ARHGAP26: variants seen among roughly 807,000 people sequenced by gnomAD.
The protein encoded by ARHGAP26 is Rho GTPase activating protein 26.
In ARHGAP26, 38 loss-of-function variants were observed where a neutral mutation model predicts 104.8. That is an observed-to-expected ratio of 0.36 (90% CI 0.28 to 0.48). The LOEUF is 0.48. Among genes scored for constraint, ARHGAP26 ranks in the 20% least tolerant of loss-of-function variants. The probability of loss-of-function intolerance (pLI) is 0.99; values close to 1 mark genes in which losing one functional copy is unlikely to be tolerated. For synonymous variants in ARHGAP26, 341 were observed against 340.0 expected, an observed-to-expected ratio of 1.00 and a Z score of -0.03; for missense variants, 704 against 947.9, an observed-to-expected ratio of 0.74 and a Z score of 3.38.
intron 19 of ARHGAP26, among the ~76,000 whole-genome samples, chr5:143,141,796 AC>A (rs1202994563): frequency 6.6e-6 from 1 of 152,024 alleles, no homozygotes; most frequent in Non-Finnish European, 1.5e-5. Flanking sequence ...TGATCATTCA[AC>A]CCCCTAGTCA....
intron 10 of ARHGAP26, among the ~76,000 whole-genome samples, chr5:142,927,696 T>A (rs1355975505): frequency 6.6e-6 from 1 of 152,208 alleles, no homozygotes; most frequent in African/African-American, 2.4e-5. Flanking sequence ...TATGTAGAGG[T>A]AGAATTGCTA....
intron 1 of ARHGAP26, among the ~76,000 whole-genome samples, chr5:142,790,028 T>G (rs1322426393): frequency 1.3e-5 from 2 of 152,248 alleles, no homozygotes; most frequent in Admixed American, 6.5e-5. Flanking sequence ...AGTCAACAAA[T>G]GTTTATTGTA....
intron 1 of ARHGAP26, among the ~76,000 whole-genome samples, chr5:142,872,333 C>G (rs1041424498): frequency 2.0e-5 from 3 of 152,002 alleles, no homozygotes; most frequent in Admixed American, 2.0e-4. Flanking sequence ...CACAGTACAC[C>G]CCCCCACCAC....
At chr5:142,869,409 T>G (rs1754927958) in intron 1 of ARHGAP26, among the ~76,000 whole-genome samples, 1 of 151,696 alleles carries the variant, frequency 6.6e-6, no homozygotes, top group African/African-American at 2.4e-5. Context: ...TTAGTAGAGA[T>G]GAGGTTTCAC....
At chr5:142,783,017 C>CAAAT (rs1274209970) in intron 1 of ARHGAP26, among the ~76,000 whole-genome samples, 3 of 152,198 alleles carry the variant, frequency 2.0e-5, no homozygotes, top group Non-Finnish European at 4.4e-5. Context: ...CCACTCCCTT[C>CAAAT]CATCTCACCC....
At chr5:142,817,790 G>A (rs1765427154) in intron 1 of ARHGAP26, among the ~76,000 whole-genome samples, 1 of 152,138 alleles carries the variant, frequency 6.6e-6, no homozygotes, top group Admixed American at 6.5e-5. Context: ...GGTGGAGAGT[G>A]GTTGTATCAG....
At chr5:143,202,431 G>C (rs1051069141) in intron 20 of ARHGAP26, 1 of 152,006 alleles carries the variant, frequency 6.6e-6, no homozygotes, top group East Asian at 1.9e-4. Context: ...CAAACAAATG[G>C]AAAAACATTC....
At chr5:143,012,551 A>G (rs1230182134) in intron 11 of ARHGAP26, among the ~76,000 whole-genome samples, 4 of 60,624 alleles carry the variant, frequency 6.6e-5, no homozygotes, top group Non-Finnish European at 1.3e-4. Flanking sequence ...ATACATACAT[A>G]CATATATATA....
Position 143,041,808 on chromosome 5 carries a change from T to C in ARHGAP26, c.1211-8T>C. On this transcript the variant is annotated splice_polypyrimidine_tract_variant and splice_region_variant and intron_variant, in intron 13 of 22. Transcript: ENST00000645722. Reference sequence around the variant, plus strand: ...CTCTAATTAAATCATCACTGTTTCTTTCCTCAGGGATCAACGAGCAAGGGC... The same window carrying C: ...CTCTAATTAAATCATCACTGTTTCTCTCCTCAGGGATCAACGAGCAAGGGC... 1.9e-6 allele frequency: 3 copies of C among 1,606,582 alleles called. No homozygotes were observed. Among genetic ancestry groups the C allele is most frequent in the Non-Finnish European group, 2.6e-6 (3 of 1,175,978 alleles).
intron 20 of ARHGAP26, among the ~76,000 whole-genome samples, chr5:143,181,699 T>A (rs1449669949): frequency 6.6e-6 from 1 of 152,228 alleles, no homozygotes; most frequent in African/African-American, 2.4e-5. Flanking sequence ...TCTGGACAAT[T>A]CATTTTGCAA....
chr5:142,951,868 G>T (rs1768436823), intron 11 of ARHGAP26, among the ~76,000 whole-genome samples: 1 of 152,250 alleles, frequency 6.6e-6, no homozygotes, highest in Non-Finnish European at 1.5e-5. Flanking sequence ...TCCACCAACT[G>T]GGTGGGTTAC....
chr5:143,033,158 C>T (rs1217350916), intron 12 of ARHGAP26, among the ~76,000 whole-genome samples: 1 of 152,182 alleles, frequency 6.6e-6, no homozygotes, highest in Non-Finnish European at 1.5e-5. Flanking sequence ...ACTTAGACAA[C>T]TAAGATAAAC....
intron 1 of ARHGAP26, among the ~76,000 whole-genome samples, chr5:142,800,138 C>G (rs1056449544): frequency 2.0e-5 from 3 of 152,138 alleles, no homozygotes; most frequent in Admixed American, 2.0e-4. Context: ...TAATAAGTAA[C>G]TATAAAAAAT....
At chr5:143,146,396 G>GAACAA in intron 19 of ARHGAP26, among the ~76,000 whole-genome samples, 1 of 152,210 alleles carries the variant, frequency 6.6e-6, no homozygotes, top group African/African-American at 2.4e-5. Context: ...AGCTGTGAAA[G>GAACAA]GCAGTTCTTG....
At chr5:143,140,309 A>G (rs1208944579) in intron 19 of ARHGAP26, among the ~76,000 whole-genome samples, 1 of 152,156 alleles carries the variant, frequency 6.6e-6, no homozygotes, top group Non-Finnish European at 1.5e-5. Context: ...ATGGTGGTTG[A>G]AAGTGGAGGC....
chr5:143,178,743 G>A (rs367755397), intron 20 of ARHGAP26, among the ~76,000 whole-genome samples: 81 of 152,172 alleles, frequency 5.3e-4, no homozygotes, highest in Non-Finnish European at 8.4e-4. Flanking sequence ...TTCATACTTC[G>A]TTTTTCAAGT....
intron 20 of ARHGAP26, chr5:143,168,711 C>A (rs1802381693): frequency 1.3e-5 from 2 of 152,016 alleles, no homozygotes; most frequent in African/African-American, 4.8e-5. Context: ...TGGAGTTAGG[C>A]TATATCTCTA....
chr5:142,822,234 G>T (rs1343543417), intron 1 of ARHGAP26, among the ~76,000 whole-genome samples: 1 of 140,904 alleles, frequency 7.1e-6, no homozygotes, highest in Non-Finnish European at 1.5e-5. Context: ...GGGCAGTTTA[G>T]TCTTAATTTG....
In ARHGAP26 at chr5:143,097,966, T is replaced by A. The variant is rs540803938; in HGVS notation, c.1539-23022T>A. Among the ~76,000 whole-genome samples the A allele has an allele frequency of 5.9e-5, 9 of 152,332 alleles. No homozygotes were observed. In the South Asian group the frequency reaches 8.3e-4, roughly 14 times the overall value. Reference sequence around the variant, plus strand: ...GGTTGTAAAAGTCTGGAGGTTTTTTTAATGAATTATTTGTAGAATTCCAAT... The same window carrying A: ...GGTTGTAAAAGTCTGGAGGTTTTTTAAATGAATTATTTGTAGAATTCCAAT... On this transcript the variant is annotated intron_variant, in intron 17 of 22. Transcript: ENST00000645722.
Sources: gnomAD v4.1 joint callset for allele counts (sites outside exome capture counted in the v4.1 genomes callset) on GRCh38, gnomAD v4.1.1 for gene constraint, MANE v1.5 for transcripts, NCBI Gene and HGNC (gene_info 2026-07-23, HGNC 2026-07-21) for gene names.